SGSM3: variants seen among roughly 807,000 people sequenced by gnomAD.
SGSM3 encodes small G protein signaling modulator 3.
A neutral mutation model predicts 100.5 loss-of-function variants in SGSM3; 96 were observed. The ratio of observed to expected loss-of-function variants is 0.96; its 90% CI spans 0.81 to 1.13. The LOEUF (loss-of-function observed/expected upper bound fraction) is 1.13, where lower values mean the gene tolerates loss of function less well. Ranked by LOEUF, SGSM3 falls within the 50% of genes most tolerant of loss-of-function variation. The probability of loss-of-function intolerance (pLI) is 0.00; values close to 1 mark genes in which losing one functional copy is unlikely to be tolerated. For missense variants in SGSM3, 1,001 were observed against 1,015.8 expected (o/e 0.99, Z 0.20); for synonymous variants, 483 against 422.8 (o/e 1.14, Z -1.75).
At chr22:40,399,688 CAT>C (rs1288302589) in intron 1 of SGSM3, among the ~76,000 whole-genome samples, 3 of 152,330 alleles carry the variant, frequency 2.0e-5, no homozygotes, top group East Asian at 1.9e-4. Flanking sequence ...CCCTATATCA[CAT>C]ATATTTTACA....
At chr22:40,391,582 G>A (rs1187761280) in intron 1 of SGSM3, among the ~76,000 whole-genome samples, 3 of 152,192 alleles carry the variant, frequency 2.0e-5, no homozygotes, top group African/African-American at 7.2e-5. Flanking sequence ...CTGCACTCCA[G>A]CCTGGGCAAC....
At chr22:40,374,605 C>T (rs2046236403) in intron 1 of SGSM3, among the ~76,000 whole-genome samples, 1 of 152,182 alleles carries the variant, frequency 6.6e-6, no homozygotes, top group Non-Finnish European at 1.5e-5. Flanking sequence ...GAATGGGGCC[C>T]AGTACGGCGG....
chr22:40,398,208 C>A (rs2050295205), intron 1 of SGSM3, among the ~76,000 whole-genome samples: 1 of 151,832 alleles, frequency 6.6e-6, no homozygotes, highest in South Asian at 2.1e-4. Context: ...CTCAGGTGAT[C>A]CACCCACCTC....
At chr22:40,402,245 T>C (rs956125496) in intron 4 of SGSM3, 40 bp downstream of exon 4, 9 of 1,517,186 alleles carry the variant, frequency 5.9e-6, no homozygotes, top group Non-Finnish European at 6.4e-6. Flanking sequence ...TTGCTGATGT[T>C]CTTTGGGGAG....
chr22:40,387,091 T>A, intron 1 of SGSM3: 1 of 395,828 alleles, frequency 2.5e-6, no homozygotes, highest in East Asian at 3.6e-5. Context: ...GTTGTGCTAG[T>A]CAGTATGGTA....
In SGSM3 at chr22:40,407,069, T is replaced by C; in HGVS notation, c.1238T>C (p.Phe413Ser). ...AAGTCCACCATCACTGCTCTGCTCT[T>C]CGGTGAGAGCTCTGCGAGTGCCAGG... ...RRKSTITALL[F>S]GEDDLEALKA... Residue 413 changes from phenylalanine (F) to serine (S), a missense_variant and splice_region_variant, in exon 11 of 22, where the codon TTC becomes TCC. By Grantham distance (155) the Phe-to-Ser change is radical. Coordinates refer to ENST00000248929, the MANE Select transcript of SGSM3 (RefSeq NM_015705.6). The surrounding 1 kb of genome is among the most constrained non-coding windows in gnomAD (Gnocchi z 4.7). The C allele has an allele frequency of 6.3e-7, 1 of 1,595,402 alleles. No individual in the cohort carries two copies. Among genetic ancestry groups the C allele is most frequent in the Non-Finnish European group, 8.5e-7 (1 of 1,170,952 alleles).
intron 1 of SGSM3, among the ~76,000 whole-genome samples, chr22:40,382,546 C>T (rs969561087): frequency 1.3e-5 from 2 of 152,120 alleles, no homozygotes; most frequent in Admixed American, 6.5e-5. Flanking sequence ...AAGAGCTAAC[C>T]TCCCAAGGGA....
In SGSM3 at chr22:40,408,683, C is replaced by T; in HGVS notation, c.1839C>T (p.Leu613=). ...DFASVYSRLV[L]CKTFRLDEDG... Reference sequence around the variant, plus strand: ...CCTCCGTGTATTCCCGTCTGGTGCTCTGTAAGACCTTCAGGTAACTCGGCC... The same window carrying T: ...CCTCCGTGTATTCCCGTCTGGTGCTTTGTAAGACCTTCAGGTAACTCGGCC... Residue 613 remains leucine, a synonymous_variant, in exon 17 of 22, where the codon CTC becomes CTT. Coordinates refer to ENST00000248929, the MANE Select transcript of SGSM3 (RefSeq NM_015705.6). The T allele has an allele frequency of 6.2e-7, 1 of 1,614,056 alleles. No individual in the cohort carries two copies. The highest frequency in any genetic ancestry group is 8.5e-7 in the Non-Finnish European group (1 of 1,180,014).
rs980121613 is a variant in SGSM3 at position 40,409,948 on chromosome 22, G to GTCCT, written c.*191_*194dup. On this transcript the variant is annotated 3_prime_UTR_variant, in exon 22 of 22. Coordinates refer to ENST00000248929, the MANE Select transcript of SGSM3 (RefSeq NM_015705.6). ...GCAGAGGGTACCCTGCCCCACCAGG[G>GTCCT]TCCTTAGGGATGCTCTAGGCCAAAC... The GTCCT allele has an allele frequency of 6.4e-6, 9 of 1,397,642 alleles. No individual in the cohort carries two copies. The African/African-American group carries it at 1.3e-4, about 20-fold the overall frequency. 86.6% of individuals were successfully genotyped at this position (1,397,642 alleles called of 1,614,324 possible).
Position 40,403,966 on chromosome 22 carries a change from G to A in SGSM3, c.158-281G>A, listed in dbSNP as rs144802160. ...AGCCAGAGGTGACTCCGAGGTTTAG[G>A]CTGAGCATCGGGAGAATGGAGGTGT... On this transcript the variant is annotated intron_variant, in intron 4 of 21. Transcript: ENST00000248929. 3.7e-3 allele frequency: 1,112 copies of A among 302,428 alleles called. 3 individuals carry two copies. The highest frequency in any genetic ancestry group is 5.4e-3 in the Non-Finnish European group (882 of 164,842). The allele number at this position is 302,428 out of a possible 1,614,324, so 18.7% of individuals were successfully genotyped here. A position where few individuals can be genotyped will look rare whatever the true frequency, so the allele number is the denominator to read the frequency against.
intron 10 of SGSM3, 74 bp downstream of exon 10, chr22:40,406,736 C>A (rs112032733): frequency 2.5e-5 from 32 of 1,278,942 alleles, no homozygotes; most frequent in Non-Finnish European, 3.3e-5. Flanking sequence ...GTTCAGAGCG[C>A]GGGGGCTGCG....
intron 4 of SGSM3, among the ~76,000 whole-genome samples, chr22:40,403,478 C>T (rs2051020820): frequency 2.0e-5 from 3 of 152,058 alleles, no homozygotes; most frequent in Admixed American, 2.0e-4. Context: ...GGGAGACAGG[C>T]AGTAAACAAG....
At chr22:40,382,392 T>G (rs907149348) in intron 1 of SGSM3, among the ~76,000 whole-genome samples, 1 of 152,140 alleles carries the variant, frequency 6.6e-6, no homozygotes, top group Non-Finnish European at 1.5e-5. Flanking sequence ...TAGGTGGGAC[T>G]GGAGTCATGT....
rs375697193 is a variant in SGSM3, at chr22:40,408,710, G to A, written c.1853+13G>A. 2.0e-5 allele frequency: 33 copies of A among 1,613,974 alleles called. No individual in the cohort carries two copies. The African/African-American group carries it at 2.5e-4, about 12-fold the overall frequency. On this transcript the variant is annotated intron_variant, in intron 17 of 21. Transcript: ENST00000248929. ...GTAAGACCTTCAGGTAACTCGGCCC[G>A]GGTTCTTCTGGTGGGGTCACCAGCA...
chr22:40,405,552 A>G, intron 7 of SGSM3, 97 bp from the exon 8 acceptor site: 2 of 1,178,242 alleles, frequency 1.7e-6, no homozygotes, highest in East Asian at 2.4e-5. Flanking sequence ...GTGCCCCCCA[A>G]GAGGCTTTTG....
chr22:40,387,518 T>C (rs1467782185), intron 1 of SGSM3: 2 of 266,572 alleles, frequency 7.5e-6, no homozygotes, highest in African/African-American at 2.2e-5. Flanking sequence ...TATAAAACTT[T>C]CAATATAAAT....
chr22:40,381,378 G>A (rs2047556032), intron 1 of SGSM3, among the ~76,000 whole-genome samples: 1 of 152,014 alleles, frequency 6.6e-6, no homozygotes. Context: ...CAAACTCTTG[G>A]GCTCAAGTGA....
intron 16 of SGSM3, 82 bp downstream of exon 16, chr22:40,408,511 C>A: frequency 6.3e-7 from 1 of 1,586,650 alleles, no homozygotes; most frequent in South Asian, 1.1e-5. Context: ...GTCCTTCCTG[C>A]CCCACAGAGA....
Position 40,405,237 on chromosome 22 carries a change from C to G in SGSM3, c.571C>G (p.Leu191Val). 2 of 1,568,862 alleles carry G rather than the reference C, an allele frequency of 1.3e-6. No individual in the cohort carries two copies. Among genetic ancestry groups the G allele is most frequent in the Non-Finnish European group, 1.7e-6 (2 of 1,157,374 alleles). The change falls in exon 7 of 22, where the codon CTG becomes GTG. Residue 191 changes from leucine (L) to valine (V), a missense_variant. By Grantham distance (32) the Leu-to-Val change is conservative (BLOSUM62 1). Coordinates refer to ENST00000248929, the MANE Select transcript of SGSM3 (RefSeq NM_015705.6). The stretch of plus-strand genomic sequence containing the variant: ...CCGCCTGCGCAGGGTGCTCCGGGCC[C>G]TGGCCTGGCTCTACCCAGAGATCGG... Reference protein sequence around the residue: ...VPRLRRVLRALAWLYPEIGYC... With the variant: ...VPRLRRVLRAVAWLYPEIGYC...
Sources: gnomAD v4.1 joint callset for allele counts (sites outside exome capture counted in the v4.1 genomes callset) on GRCh38, gnomAD v4.1.1 for gene constraint, Gnocchi (gnomAD v3.1) non-coding constraint, MANE v1.5 for transcripts, NCBI Gene and HGNC (gene_info 2026-07-23, HGNC 2026-07-21) for gene names.